RHOJ: variants seen among roughly 807,000 people sequenced by gnomAD.
RHOJ encodes the protein ras homolog family member J.
In RHOJ, 11 loss-of-function variants were observed where a neutral mutation model predicts 23.4. That is an observed-to-expected ratio of 0.47 (90% CI 0.30 to 0.78). The LOEUF (loss-of-function observed/expected upper bound fraction) is 0.78, where lower values mean the gene tolerates loss of function less well. Ranked by LOEUF, RHOJ falls within the 30% of genes least tolerant of loss-of-function variation. The pLI is 0.08. For synonymous variants in RHOJ, 102 were observed against 102.7 expected, an observed-to-expected ratio of 0.99 and a Z score of 0.04; for missense variants, 254 against 273.4, an observed-to-expected ratio of 0.93 and a Z score of 0.50.
intron 1 of RHOJ, 33 bp from the exon 2 acceptor site, chr14:63,269,077 T>C: frequency 6.6e-7 from 1 of 1,522,266 alleles, no homozygotes; most frequent in Non-Finnish European, 9.1e-7. Context: ...GTTTATGGAC[T>C]CTCCTCTTCT....
In RHOJ at chr14:63,257,386, A is replaced by G. The variant is rs532973517; in HGVS notation, c.179-11724A>G. Among the ~76,000 whole-genome samples the G allele has an allele frequency of 4.0e-5, 6 of 150,154 alleles. 1 individual carries two copies. The highest frequency in any genetic ancestry group is 1.5e-4 in the African/African-American group (6 of 40,844). On this transcript the variant is annotated intron_variant, in intron 1 of 4. Coordinates refer to ENST00000316754, the MANE Select transcript of RHOJ (RefSeq NM_020663.5). ...GCCAGCTTAGACAAGAAGTTTAACA[A>G]TCCTCCAGAATTCATTTGGGTTTTC...
At chr14:63,254,664 A>T (rs1895131172) in intron 1 of RHOJ, among the ~76,000 whole-genome samples, 1 of 152,110 alleles carries the variant, frequency 6.6e-6, no homozygotes, top group Non-Finnish European at 1.5e-5. Flanking sequence ...CCAATTTCCA[A>T]GGCTAGGGAG....
intron 1 of RHOJ, among the ~76,000 whole-genome samples, chr14:63,257,777 C>T (rs1465926046): frequency 6.7e-6 from 1 of 149,426 alleles, no homozygotes; most frequent in African/African-American, 2.5e-5. Context: ...AATATCACCC[C>T]TCCCCAGCCT....
chr14:63,269,851 T>C (rs2139655486), intron 2 of RHOJ, among the ~76,000 whole-genome samples: 2 of 152,334 alleles, frequency 1.3e-5, no homozygotes, highest in East Asian at 3.9e-4. Flanking sequence ...CATGCTCTTT[T>C]TGGGTGAAAA....
chr14:63,251,887 G>A (rs749253321), intron 1 of RHOJ, among the ~76,000 whole-genome samples: 17 of 152,034 alleles, frequency 1.1e-4, no homozygotes, highest in Non-Finnish European at 1.9e-4. Context: ...TTGGGAGGCC[G>A]AGGCAGGCTG....
intron 2 of RHOJ, among the ~76,000 whole-genome samples, chr14:63,269,746 T>C (rs1459617900): frequency 6.6e-6 from 1 of 152,228 alleles, no homozygotes; most frequent in African/African-American, 2.4e-5. Flanking sequence ...TGAAATATTC[T>C]CACTTTGTCA....
chr14:63,263,599 G>A (rs1895311879), intron 1 of RHOJ, among the ~76,000 whole-genome samples: 1 of 152,148 alleles, frequency 6.6e-6, no homozygotes, highest in Non-Finnish European at 1.5e-5. Flanking sequence ...TCCTCCAGCA[G>A]TACTGGCCCC....
intron 4 of RHOJ, among the ~76,000 whole-genome samples, chr14:63,286,945 T>C (rs1441738608): frequency 6.6e-6 from 1 of 152,226 alleles, no homozygotes; most frequent in Non-Finnish European, 1.5e-5. Context: ...TGGTTCTTTT[T>C]CTTTTTCTTG....
chr14:63,266,684 CTTGAT>C (rs1895373086), intron 1 of RHOJ, among the ~76,000 whole-genome samples: 1 of 152,072 alleles, frequency 6.6e-6, no homozygotes, highest in Non-Finnish European at 1.5e-5. Flanking sequence ...GGATTGTGTT[CTTGAT>C]TTGTCTCTCA....
intron 1 of RHOJ, among the ~76,000 whole-genome samples, chr14:63,236,036 T>C (rs1477234303): frequency 1.3e-5 from 2 of 152,238 alleles, no homozygotes; most frequent in Admixed American, 6.5e-5. Context: ...TTCAATGTTT[T>C]AAAAGCAGCA....
chr14:63,281,870 T>C (rs183581255), intron 3 of RHOJ, among the ~76,000 whole-genome samples: 3 of 152,360 alleles, frequency 2.0e-5, no homozygotes, highest in Non-Finnish European at 4.4e-5. Flanking sequence ...CATAGGAATA[T>C]ACGAATACTG....
intron 1 of RHOJ, among the ~76,000 whole-genome samples, chr14:63,250,217 C>A (rs1895045338): frequency 6.6e-6 from 1 of 152,128 alleles, no homozygotes; most frequent in Non-Finnish European, 1.5e-5. Flanking sequence ...TCACTACACT[C>A]CAGCCATATT....
chr14:63,217,042 T>C (rs1186269023), intron 1 of RHOJ, among the ~76,000 whole-genome samples: 2 of 151,946 alleles, frequency 1.3e-5, no homozygotes, highest in Non-Finnish European at 2.9e-5. Context: ...CACTCCCCCA[T>C]AGCTACTTGA....
intron 1 of RHOJ, among the ~76,000 whole-genome samples, chr14:63,248,889 T>C (rs1895021027): frequency 6.6e-6 from 1 of 152,340 alleles, no homozygotes; most frequent in Non-Finnish European, 1.5e-5. Context: ...TCCTTACTTA[T>C]GCACTACTAG....
intron 1 of RHOJ, among the ~76,000 whole-genome samples, chr14:63,242,622 T>C (rs1023535805): frequency 6.6e-6 from 1 of 152,132 alleles, no homozygotes; most frequent in Non-Finnish European, 1.5e-5. Flanking sequence ...GGAAGACACA[T>C]TCCTTCTCTG....
At chr14:63,209,924 A>G (rs1011083617) in intron 1 of RHOJ, among the ~76,000 whole-genome samples, 1 of 151,216 alleles carries the variant, frequency 6.6e-6, no homozygotes, top group Non-Finnish European at 1.5e-5. Flanking sequence ...CTGTAACTGT[A>G]ATATAGCATT....
At chr14:63,271,672 G>T (rs1317558552) in intron 2 of RHOJ, among the ~76,000 whole-genome samples, 3 of 152,216 alleles carry the variant, frequency 2.0e-5, no homozygotes, top group Non-Finnish European at 4.4e-5. Flanking sequence ...TTGGATCACT[G>T]CAACCTCCGC....
At chr14:63,259,811 T>G (rs915309325) in intron 1 of RHOJ, among the ~76,000 whole-genome samples, 1 of 152,196 alleles carries the variant, frequency 6.6e-6, no homozygotes, top group Non-Finnish European at 1.5e-5. Flanking sequence ...GAACCTATGT[T>G]TCGTTACCTA....
chr14:63,245,498 T>A (rs1466923012), intron 1 of RHOJ, among the ~76,000 whole-genome samples: 2 of 151,880 alleles, frequency 1.3e-5, no homozygotes, highest in Admixed American at 1.3e-4. Context: ...CTATTAAAAA[T>A]TTAAAAATTA....
Sources: gnomAD v4.1 joint callset for allele counts (sites outside exome capture counted in the v4.1 genomes callset) on GRCh38, gnomAD v4.1.1 for gene constraint, MANE v1.5 for transcripts, NCBI Gene and HGNC (gene_info 2026-07-23, HGNC 2026-07-21) for gene names.